Variants in RALGDS observed in about 807,000 individuals in gnomAD.
RALGDS encodes ral guanine nucleotide exchange factor.
RALGDS carries 44 observed loss-of-function variants against 99.8 expected under a neutral mutation model. The ratio of observed to expected loss-of-function variants is 0.44; its 90% confidence interval spans 0.35 to 0.57. The LOEUF (loss-of-function observed/expected upper bound fraction) is 0.57. Ranked by LOEUF, RALGDS falls within the 20% of genes least tolerant of loss-of-function variation. RALGDS has a pLI of 0.01. For missense variants in RALGDS, 1,022 were observed against 1,203.1 expected, an observed-to-expected ratio of 0.85 and a Z score of 2.23; for synonymous variants, 529 against 505.0, an observed-to-expected ratio of 1.05 and a Z score of -0.64.
intron 1 of RALGDS, among the ~76,000 whole-genome samples, chr9:133,113,072 C>T (rs140700795): frequency 3.3e-5 from 5 of 152,322 alleles, no homozygotes; most frequent in East Asian, 1.9e-4. Context: ...CAATTACCCC[C>T]GGCCTCACAG....
chr9:133,101,805 G>GGTGC (rs756794214), intron 15 of RALGDS, 43 bp from the exon 16 acceptor site: 1 of 1,565,690 alleles, frequency 6.4e-7, no homozygotes. Flanking sequence ...TGCCCTGTGG[G>GGTGC]GGCACCCCAG....
At position 133,108,139 on chromosome 9, in the gene RALGDS, A is replaced by G. The variant is rs2119156194; in HGVS notation, c.1046T>C (p.Leu349Pro). 1 of 1,610,326 alleles carries G rather than the reference A, an allele frequency of 6.2e-7. No homozygotes were observed. Among genetic ancestry groups the G allele is most frequent in the Middle Eastern group, 1.7e-4 (1 of 6,052 alleles). ...TGGTGCTGGAGCTGGCTCCAGCTCT[A>G]GAGTTTGTGAGGGAGCTGGATCCTG... is the stretch of plus-strand genomic sequence containing the variant. ...PEQDPAPSQT[L>P]ELEPAPAPVP... The change falls in exon 6 of 18, where the codon CTA (leucine) becomes CCA (proline). Residue 349 changes from leucine (L) to proline (P), a missense_variant. Coordinates refer to ENST00000372050, the MANE Select transcript of RALGDS (RefSeq NM_006266.4).
chr9:133,139,182 T>A (rs1832476756), intron 1 of RALGDS, among the ~76,000 whole-genome samples: 1 of 152,158 alleles, frequency 6.6e-6, no homozygotes, highest in Admixed American at 6.5e-5. Flanking sequence ...AGAATGCACA[T>A]GTGCCCCACC....
At chr9:133,128,767 T>C (rs1367462400) in intron 1 of RALGDS, among the ~76,000 whole-genome samples, 1 of 152,172 alleles carries the variant, frequency 6.6e-6, no homozygotes, top group African/African-American at 2.4e-5. Flanking sequence ...GTAACCGTCA[T>C]AGCACCAGCT....
chr9:133,100,840 G>C (rs967080117), intron 16 of RALGDS: 1 of 1,068,818 alleles, frequency 9.4e-7, no homozygotes, highest in African/African-American at 1.7e-5. Context: ...AGCACAGGCG[G>C]AACTCGGACA....
rs563839980 is a variant in RALGDS, at chr9:133,103,731, C to T, written c.1758+16G>A. The stretch of plus-strand genomic sequence containing the variant: ...CTCCTCCCGGGCCCTACTCCAGCCC[C>T]GCCCGGCACACTCACATACAGATAG... On this transcript the variant is annotated intron_variant, in intron 11 of 17. Transcript: ENST00000372050. 29 of 1,612,726 alleles carry T rather than the reference C, an allele frequency of 1.8e-5. No individual in the cohort carries two copies. The South Asian group carries it at 1.9e-4, about 10-fold the overall frequency.
intron 17 of RALGDS, 134 bp downstream of exon 17, chr9:133,100,134 C>T (rs764761876): frequency 1.4e-5 from 12 of 844,348 alleles, no homozygotes; most frequent in Non-Finnish European, 2.0e-5. Flanking sequence ...ATGGGGGCAG[C>T]CAGGGCTGCC....
At chr9:133,102,980 G>A (rs2119128052) in intron 12 of RALGDS, 80 bp from the exon 13 acceptor site, 4 of 1,584,406 alleles carry the variant, frequency 2.5e-6, no homozygotes, top group African/African-American at 1.3e-5. Flanking sequence ...TTTGTTCTTG[G>A]GGTCCCTTCC....
chr9:133,132,042 G>A (rs1336729407), upstream of RALGDS, among the ~76,000 whole-genome samples: 1 of 152,216 alleles, frequency 6.6e-6, no homozygotes, highest in East Asian at 1.9e-4. Flanking sequence ...TGCTGCCCCT[G>A]TGCCAGGAGT....
intron 1 of RALGDS, among the ~76,000 whole-genome samples, chr9:133,113,733 T>C (rs1047079130): frequency 6.6e-5 from 10 of 152,144 alleles, no homozygotes; most frequent in Non-Finnish European, 1.2e-4. Flanking sequence ...CCGGGCCTCC[T>C]CAGGGGTCCC....
intron 1 of RALGDS, among the ~76,000 whole-genome samples, chr9:133,118,808 T>C (rs1831751516): frequency 1.3e-5 from 2 of 152,218 alleles, no homozygotes; most frequent in African/African-American, 4.8e-5. Flanking sequence ...ACACAGCCCA[T>C]GCTTAAATCC....
At position 133,121,044 on chromosome 9, in the gene RALGDS, C is replaced by T. The variant is rs1156930742; in HGVS notation, c.111G>A (p.Val37=). 2 of 1,493,710 alleles carry T rather than the reference C, an allele frequency of 1.3e-6. No homozygotes were observed. The highest frequency in any genetic ancestry group is 5.6e-5 in the East Asian group (2 of 35,972). The allele number at this position is 1,493,710 out of a possible 1,614,324, so 92.5% of individuals were successfully genotyped here. A position where few individuals can be genotyped will look rare whatever the true frequency, so the allele number is the denominator to read the frequency against. ...CCACCGGGCAGCTGTCGGGGACGCC[C>T]ACCTCCAGGCGCACGGCGTCCCACA... The part of the protein sequence containing the change: ...RSVWDAVRLE[V]GVPDSCPVVL... The change falls in exon 1 of 18, where the codon GTG becomes GTA. Residue 37 remains valine, a synonymous_variant. Transcript: ENST00000372050.
intron 1 of RALGDS, among the ~76,000 whole-genome samples, chr9:133,120,694 A>G (rs1245172856): frequency 6.6e-6 from 1 of 152,232 alleles, no homozygotes; most frequent in Non-Finnish European, 1.5e-5. Context: ...CCTGGGCTGC[A>G]GCGGCCTTGG....
At chr9:133,116,232 T>G (rs1280898427) in intron 1 of RALGDS, among the ~76,000 whole-genome samples, 1 of 152,148 alleles carries the variant, frequency 6.6e-6, no homozygotes, top group Non-Finnish European at 1.5e-5. Flanking sequence ...AGCATCAAGA[T>G]GACAGGAGGC....
At chr9:133,124,043 C>CAT (rs1216627101), upstream of RALGDS, among the ~76,000 whole-genome samples, 52 of 116,158 alleles carry the variant, frequency 4.5e-4, 2 homozygotes, top group African/African-American at 1.5e-3. Context: ...CACAGAGACA[C>CAT]ACAGAGAGAC....
intron 1 of RALGDS, among the ~76,000 whole-genome samples, chr9:133,120,612 T>C (rs1387410397): frequency 6.6e-6 from 1 of 152,142 alleles, no homozygotes; most frequent in Non-Finnish European, 1.5e-5. Flanking sequence ...CTGCGGGCCC[T>C]GGGTGGGAAC....
At position 133,101,418 on chromosome 9, in the gene RALGDS, C is replaced by T. The variant is rs571239928; in HGVS notation, c.2454+102G>A. 6.2e-5 allele frequency: 98 copies of T among 1,592,724 alleles called. No individual in the cohort carries two copies. The South Asian group carries it at 1.0e-3, about 17-fold the overall frequency. ...CTGGCTGACATCTGTCCTTCCCCGC[C>T]AACTACAAGGTAGACCCCGGGAGGG... is the stretch of plus-strand genomic sequence containing the variant. On this transcript the variant is annotated intron_variant, in intron 16 of 17. Transcript: ENST00000372050.
chr9:133,117,674 C>A (rs1479476612), intron 1 of RALGDS, among the ~76,000 whole-genome samples: 1 of 152,258 alleles, frequency 6.6e-6, no homozygotes, highest in Non-Finnish European at 1.5e-5. Context: ...TCTGCTGTTG[C>A]TGTATATCTG....
chr9:133,114,263 G>T (rs924743837), intron 1 of RALGDS, among the ~76,000 whole-genome samples: 1 of 152,210 alleles, frequency 6.6e-6, no homozygotes, highest in Admixed American at 6.5e-5. Context: ...TCTAGCCCGC[G>T]TGGAGCTGGC....
Sources: gnomAD v4.1 joint callset for allele counts (sites outside exome capture counted in the v4.1 genomes callset) on GRCh38, gnomAD v4.1.1 for gene constraint, MANE v1.5 for transcripts, NCBI Gene and HGNC (gene_info 2026-07-23, HGNC 2026-07-21) for gene names.